SPIN1: variants seen among roughly 807,000 people sequenced by gnomAD.
SPIN1 encodes spindlin-1.
Under a neutral mutation model 26.0 loss-of-function variants are expected in SPIN1, and 3 were observed. The ratio of observed to expected loss-of-function variants is 0.12; its 90% CI spans 0.05 to 0.30. The LOEUF (loss-of-function observed/expected upper bound fraction) is 0.30, where lower values mean the gene tolerates loss of function less well. Among genes scored for constraint, SPIN1 ranks in the 10% least tolerant of loss-of-function variants. SPIN1 has a pLI of 1.00. For missense variants in SPIN1, 126 were observed against 333.4 expected (o/e 0.38, Z 4.84); for synonymous variants, 101 against 116.5 (o/e 0.87, Z 0.86).
chr9:88,448,671 C>G (rs546968883), intron 2 of SPIN1, among the ~76,000 whole-genome samples: 1 of 152,244 alleles, frequency 6.6e-6, no homozygotes, highest in Non-Finnish European at 1.5e-5. Flanking sequence ...TCTTGTAGTT[C>G]TTGTCCATGC....
intron 1 of SPIN1, chr9:88,415,496 AC>A (rs1827540685): frequency 1.3e-5 from 2 of 151,808 alleles, no homozygotes; most frequent in South Asian, 4.2e-4. Flanking sequence ...GCTCACTGCA[AC>A]CTCTGTTTCC....
At chr9:88,424,513 T>C (rs1003296380) in intron 1 of SPIN1, among the ~76,000 whole-genome samples, 1 of 152,164 alleles carries the variant, frequency 6.6e-6, no homozygotes, top group African/African-American at 2.4e-5. Context: ...CGTGATGTGA[T>C]TGACCATCCA....
chr9:88,453,476 G>T (rs981023024), intron 3 of SPIN1, among the ~76,000 whole-genome samples: 1 of 151,790 alleles, frequency 6.6e-6, no homozygotes, highest in Non-Finnish European at 1.5e-5. Context: ...GATCTTCAGA[G>T]GATTCACATG....
At chr9:88,422,335 C>T (rs986052955) in intron 1 of SPIN1, among the ~76,000 whole-genome samples, 1 of 152,058 alleles carries the variant, frequency 6.6e-6, no homozygotes, top group Non-Finnish European at 1.5e-5. Flanking sequence ...CAGTTTTTTC[C>T]TTCAGTTTTC....
intron 4 of SPIN1, among the ~76,000 whole-genome samples, chr9:88,467,870 C>G (rs1291246516): frequency 1.3e-5 from 2 of 150,594 alleles, no homozygotes; most frequent in Non-Finnish European, 3.0e-5. Context: ...AAAAAAAAAC[C>G]CTCTGTGCCT....
intron 1 of SPIN1, among the ~76,000 whole-genome samples, chr9:88,392,873 A>C (rs1283454345): frequency 2.0e-5 from 3 of 152,062 alleles, no homozygotes; most frequent in Admixed American, 6.6e-5. Flanking sequence ...CTGTCTAGGG[A>C]TGAATTTGGG....
At chr9:88,445,745 G>A (rs1183991217) in intron 2 of SPIN1, among the ~76,000 whole-genome samples, 1 of 151,276 alleles carries the variant, frequency 6.6e-6, no homozygotes, top group Non-Finnish European at 1.5e-5. Context: ...CACCATGTTG[G>A]CCAGGCTGGT....
Position 88,478,296 on chromosome 9 carries a change from C to T in SPIN1, c.*3019C>T, listed in dbSNP as rs766422550. 3 of 152,632 alleles carry T rather than the reference C, an allele frequency of 2.0e-5. No individual in the cohort carries two copies. The highest frequency in any genetic ancestry group is 2.9e-5 in the Non-Finnish European group (2 of 68,040). 9.5% of individuals were successfully genotyped at this position (152,632 alleles called of 1,614,324 possible). On this transcript the variant is annotated 3_prime_UTR_variant, in exon 6 of 6. Coordinates refer to ENST00000375859, the MANE Select transcript of SPIN1 (RefSeq NM_006717.3). Reference sequence around the variant, plus strand: ...TTCCGATTGTTACAAATTGTAGTGCCTGAAAACACTCTTAAGCTGATTGTC... The same window carrying T: ...TTCCGATTGTTACAAATTGTAGTGCTTGAAAACACTCTTAAGCTGATTGTC...
intron 2 of SPIN1, among the ~76,000 whole-genome samples, chr9:88,434,771 A>G (rs1328925262): frequency 6.6e-6 from 1 of 152,098 alleles, no homozygotes; most frequent in Admixed American, 6.6e-5. Context: ...TAATAGCTAC[A>G]ATGAGCTGCG....
chr9:88,395,875 C>G (rs956958704), intron 1 of SPIN1, among the ~76,000 whole-genome samples: 4 of 151,962 alleles, frequency 2.6e-5, no homozygotes, highest in African/African-American at 9.7e-5. Flanking sequence ...GGTGAAACCC[C>G]ATCTCTGCTA....
intron 5 of SPIN1, among the ~76,000 whole-genome samples, chr9:88,471,671 A>AAG (rs1554698454): frequency 1.3e-5 from 2 of 151,114 alleles, no homozygotes; most frequent in Non-Finnish European, 3.0e-5. Flanking sequence ...AAAAAAAAAA[A>AAG]AAAAAAAAGA....
Position 88,475,647 on chromosome 9 carries a change from C to CT in SPIN1, c.*376dup, listed in dbSNP as rs1325905627. 1 of 197,856 alleles carries CT rather than the reference C, an allele frequency of 5.1e-6. No homozygotes were observed. Among genetic ancestry groups the CT allele is most frequent in the Non-Finnish European group, 1.1e-5 (1 of 95,022 alleles). 12.3% of individuals were successfully genotyped at this position (197,856 alleles called of 1,614,324 possible). ...CATAGTTTGATGTTTTCGTTATTGC[C>CT]TTTTTTGAGATGTATGTATCTGTAT... On this transcript the variant is annotated 3_prime_UTR_variant, in exon 6 of 6. Transcript: ENST00000375859.
intron 2 of SPIN1, among the ~76,000 whole-genome samples, chr9:88,430,965 C>T (rs1189490670): frequency 6.6e-6 from 1 of 151,658 alleles, no homozygotes; most frequent in African/African-American, 2.4e-5. Context: ...TTACTGCAAC[C>T]TCTGCCTCCC....
chr9:88,457,781 T>TTACC, intron 3 of SPIN1: 1 of 942,112 alleles, frequency 1.1e-6, no homozygotes, highest in Non-Finnish European at 1.3e-6. Context: ...CCTGAAAGAA[T>TTACC]TACCAGAGGA....
At chr9:88,462,958 C>T (rs1354686999) in intron 4 of SPIN1, among the ~76,000 whole-genome samples, 1 of 152,006 alleles carries the variant, frequency 6.6e-6, no homozygotes, top group Non-Finnish European at 1.5e-5. Flanking sequence ...TGTATTTTCC[C>T]CCCAAGAAGT....
At chr9:88,429,419 C>G (rs1216749507) in intron 2 of SPIN1, among the ~76,000 whole-genome samples, 1 of 152,192 alleles carries the variant, frequency 6.6e-6, no homozygotes, top group Non-Finnish European at 1.5e-5. Context: ...AACTTCTGGT[C>G]TGAACAGCCA....
At chr9:88,404,788 C>T (rs935583775) in intron 1 of SPIN1, among the ~76,000 whole-genome samples, 1 of 151,556 alleles carries the variant, frequency 6.6e-6, no homozygotes, top group African/African-American at 2.4e-5. Context: ...TAGTGGCAGG[C>T]GCCTGTAATC....
At position 88,396,742 on chromosome 9, in the gene SPIN1, C is replaced by T. The variant is rs572900099; in HGVS notation, c.-159+8204C>T. On this transcript the variant is annotated intron_variant, in intron 1 of 5. Coordinates refer to ENST00000375859, the MANE Select transcript of SPIN1 (RefSeq NM_006717.3). ...ACAATGGGATACATTCAGAGAACCT[C>T]GTTGTGTACCTCATAGAGTATACTT... Among the ~76,000 whole-genome samples, 13 of 152,224 alleles carry T rather than the reference C, an allele frequency of 8.5e-5. No individual in the cohort carries two copies. In the South Asian group the frequency reaches 1.2e-3, roughly 15 times the overall value.
At chr9:88,429,955 T>G (rs1395798053) in intron 2 of SPIN1, among the ~76,000 whole-genome samples, 1 of 152,144 alleles carries the variant, frequency 6.6e-6, no homozygotes, top group Non-Finnish European at 1.5e-5. Flanking sequence ...AATATATATA[T>G]TTCACAGTAT....
Sources: gnomAD v4.1 joint callset for allele counts (sites outside exome capture counted in the v4.1 genomes callset) on GRCh38, gnomAD v4.1.1 for gene constraint, MANE v1.5 for transcripts, NCBI Gene and HGNC (gene_info 2026-07-23, HGNC 2026-07-21) for gene names.